RPS6KC1: variants seen among roughly 807,000 people sequenced by gnomAD.
The protein encoded by RPS6KC1 is ribosomal protein S6 kinase C1.
Under a neutral mutation model 103.8 loss-of-function variants are expected in RPS6KC1, and 54 were observed. That is an observed-to-expected ratio of 0.52 (90% CI 0.42 to 0.65). The LOEUF (loss-of-function observed/expected upper bound fraction) is 0.65. RPS6KC1 is among the 30% of genes least tolerant of loss of function. The pLI is 0.00. For missense variants in RPS6KC1, 1,151 were observed against 1,253.8 expected, an observed-to-expected ratio of 0.92 and a Z score of 1.24; for synonymous variants, 439 against 438.7, an observed-to-expected ratio of 1.00 and a Z score of -0.01.
chr1:213,797,510 T>G, the RPS6KC1 span, among the ~76,000 whole-genome samples: 1 of 152,308 alleles, frequency 6.6e-6, no homozygotes, highest in South Asian at 2.1e-4. Flanking sequence ...GTGTACACTA[T>G]GAAATACTAC....
chr1:213,517,407 C>T, the RPS6KC1 span, among the ~76,000 whole-genome samples: 2 of 152,052 alleles, frequency 1.3e-5, no homozygotes, highest in South Asian at 4.1e-4. Flanking sequence ...TGAATGTGTC[C>T]CAGAGATTCT....
rs764745657 is a variant in RPS6KC1 at position 213,205,547 on chromosome 1, G to GATATATAT, written c.1045-24937_1045-24930dup. Among the ~76,000 whole-genome samples, 76 of 102,472 alleles carry GATATATAT rather than the reference G, an allele frequency of 7.4e-4. 5 individuals carry two copies. Among genetic ancestry groups the GATATATAT allele is most frequent in the African/African-American group, 2.7e-3 (73 of 27,342 alleles). The allele number at this position is 102,472 out of a possible 152,430, so 67.2% of individuals were successfully genotyped here. A position where few individuals can be genotyped will look rare whatever the true frequency, so the allele number is the denominator to read the frequency against. On this transcript the variant is annotated intron_variant, in intron 8 of 14. Transcript: ENST00000366960. ...AACAACAAACTCATTTATATATATA[G>GATATATAT]ATATATATATATATATATATTTCAA...
the RPS6KC1 span, among the ~76,000 whole-genome samples, chr1:213,684,643 A>T: frequency 1.3e-5 from 2 of 152,226 alleles, no homozygotes. Flanking sequence ...GTGAAAACAT[A>T]ATCAGAGCTA....
intron 4 of RPS6KC1, 92 bp downstream of exon 4, chr1:213,104,661 G>A (rs1206259250): frequency 1.9e-5 from 11 of 586,950 alleles, no homozygotes; most frequent in Admixed American, 3.2e-5. Flanking sequence ...TTTGAATTTC[G>A]TTATTCACTA....
At chr1:213,072,282 T>C (rs2078958370) in intron 2 of RPS6KC1, among the ~76,000 whole-genome samples, 1 of 152,134 alleles carries the variant, frequency 6.6e-6, no homozygotes, top group African/African-American at 2.4e-5. Flanking sequence ...TTGATATGAG[T>C]GTATGGCCCC....
intron 5 of RPS6KC1, among the ~76,000 whole-genome samples, chr1:213,120,979 G>A (rs764101445): frequency 2.0e-5 from 3 of 152,138 alleles, no homozygotes; most frequent in Admixed American, 1.3e-4. Context: ...TTGTGATAGG[G>A]TCTCACCGTG....
At chr1:213,601,741 A>C in the RPS6KC1 span, among the ~76,000 whole-genome samples, 1 of 151,814 alleles carries the variant, frequency 6.6e-6, no homozygotes, top group Non-Finnish European at 1.5e-5. Flanking sequence ...TCCTCTCTCT[A>C]TGATTCTTTG....
At chr1:213,702,376 G>A in the RPS6KC1 span, among the ~76,000 whole-genome samples, 1 of 152,072 alleles carries the variant, frequency 6.6e-6, no homozygotes, top group Admixed American at 6.5e-5. Flanking sequence ...CTAAGGAAAA[G>A]AATTTATATT....
At chr1:213,495,882 T>C in the RPS6KC1 span, among the ~76,000 whole-genome samples, 1 of 152,228 alleles carries the variant, frequency 6.6e-6, no homozygotes. Context: ...TAATACAAGG[T>C]AATCATAATA....
At chr1:213,258,106 C>T (rs1346585891) in intron 12 of RPS6KC1, among the ~76,000 whole-genome samples, 4 of 152,152 alleles carry the variant, frequency 2.6e-5, no homozygotes, top group Non-Finnish European at 5.9e-5. Flanking sequence ...CTCGGCCTCC[C>T]GAGTAGCTGG....
intron 4 of RPS6KC1, among the ~76,000 whole-genome samples, chr1:213,115,434 T>C (rs2083479988): frequency 2.6e-5 from 4 of 152,202 alleles, no homozygotes; most frequent in Admixed American, 2.6e-4. Flanking sequence ...TCTATTTGAT[T>C]CTTCTCTCTT....
the RPS6KC1 span, among the ~76,000 whole-genome samples, chr1:213,386,053 T>C: frequency 6.6e-6 from 1 of 152,114 alleles, no homozygotes; most frequent in African/African-American, 2.4e-5. Flanking sequence ...TGGGAGGTGT[T>C]TGGGTCATGG....
At chr1:213,353,910 G>A in the RPS6KC1 span, among the ~76,000 whole-genome samples, 2 of 152,162 alleles carry the variant, frequency 1.3e-5, no homozygotes, top group African/African-American at 4.8e-5. Context: ...TGGAAAAGCC[G>A]AGGGAACAGC....
the RPS6KC1 span, among the ~76,000 whole-genome samples, chr1:213,523,581 A>G: frequency 3.2e-4 from 48 of 152,252 alleles, no homozygotes; most frequent in African/African-American, 1.2e-3. Context: ...CACTGTGCCC[A>G]GAACACAGGG....
the RPS6KC1 span, among the ~76,000 whole-genome samples, chr1:213,806,900 T>C: frequency 1.0e-4 from 15 of 150,660 alleles, no homozygotes; most frequent in African/African-American, 2.7e-4. Context: ...TTTGGCATGA[T>C]TTTGCAGTGG....
chr1:213,680,625 T>G, the RPS6KC1 span, among the ~76,000 whole-genome samples: 28,026 of 152,082 alleles, frequency 0.18, 2,922 homozygotes, highest in African/African-American at 0.27. Context: ...GATAATATTA[T>G]CCTAAAGCGC....
the RPS6KC1 span, among the ~76,000 whole-genome samples, chr1:213,801,319 G>T: frequency 6.6e-6 from 1 of 152,098 alleles, no homozygotes; most frequent in African/African-American, 2.4e-5. Flanking sequence ...TAAAATTTCA[G>T]TTTATCTTCC....
chr1:213,300,617 T>C, the RPS6KC1 span, among the ~76,000 whole-genome samples: 1 of 152,158 alleles, frequency 6.6e-6, no homozygotes, highest in East Asian at 1.9e-4. Context: ...CTGTCTTTGG[T>C]AGGCTTCGCT....
chr1:213,817,735 T>A, the RPS6KC1 span: 1 of 152,202 alleles, frequency 6.6e-6, no homozygotes, highest in Non-Finnish European at 1.5e-5. Context: ...TGGGAATAAT[T>A]GAAGTTCAGG....
Sources: gnomAD v4.1 joint callset for allele counts (sites outside exome capture counted in the v4.1 genomes callset) on GRCh38, gnomAD v4.1.1 for gene constraint, MANE v1.5 for transcripts, NCBI Gene and HGNC (gene_info 2026-07-23, HGNC 2026-07-21) for gene names.